Variants in GDF1 observed in about 807,000 individuals in gnomAD.
GDF1 encodes growth differentiation factor 1.
Under a neutral mutation model 7.4 loss-of-function variants are expected in GDF1, and 8 were observed. That is an observed-to-expected ratio of 1.09 (90% CI 0.64 to 1.96). The LOEUF is 1.96. Among genes scored for constraint, GDF1 ranks in the 30% most tolerant of loss-of-function variants. GDF1 has a pLI of 0.00. For missense variants in GDF1, 574 were observed against 551.5 expected (o/e 1.04, Z -0.41); for synonymous variants, 311 against 276.7 (o/e 1.12, Z -1.23).
At chr19:18,885,964 G>A (rs944373441) in intron 2 of GDF1, among the ~76,000 whole-genome samples, 10 of 152,086 alleles carry the variant, frequency 6.6e-5, no homozygotes, top group African/African-American at 1.4e-4. Context: ...CCCGCCAAGC[G>A]GGTCCTGCCT....
Position 18,878,053 on chromosome 19 carries a change from A to G in GDF1, c.-313+877T>C, listed in dbSNP as rs1422830799. The G allele has an allele frequency of 4.1e-6, 4 of 984,876 alleles. No homozygotes were observed. The highest frequency in any genetic ancestry group is 6.2e-5 in the Admixed American group (1 of 16,204). The allele number at this position is 984,876 out of a possible 1,614,324, so 61.0% of individuals were successfully genotyped here. On this transcript the variant is annotated intron_variant, in intron 6 of 7. Transcript: ENST00000247005. The surrounding 1 kb of genome is among the most constrained non-coding windows in gnomAD (Gnocchi z 4.6). ...GATGTGTTAAATGTCTGCATCTCGC[A>G]CCTCCCGTTCCAAAAAACGTCACGG... is the stretch of plus-strand genomic sequence containing the variant.
Position 18,868,614 on chromosome 19 carries a change from C to G in GDF1, c.1102G>C (p.Glu368Gln). 1 of 1,564,268 alleles carries G rather than the reference C, an allele frequency of 6.4e-7. No homozygotes were observed. The highest frequency in any genetic ancestry group is 8.7e-7 in the Non-Finnish European group (1 of 1,154,530). ...LRQYEDMVVD[E>Q]CGCR ...GCCCCGGGTTAGCGGCAGCCGCACTCGTCCACCACCATGTCCTCATACTGC... is the reference window on the plus strand; with the variant it reads ...GCCCCGGGTTAGCGGCAGCCGCACTGGTCCACCACCATGTCCTCATACTGC... The change falls in exon 8 of 8, where the codon GAG (glutamate) becomes CAG (glutamine). Residue 368 changes from glutamate to glutamine, a missense_variant. Coordinates refer to ENST00000247005, the MANE Select transcript of GDF1 (RefSeq NM_001492.6).
Position 18,870,434 on chromosome 19 carries a change from A to T in GDF1, c.-127T>A. On this transcript the variant is annotated 5_prime_UTR_variant, in exon 7 of 8. Coordinates refer to ENST00000247005, the MANE Select transcript of GDF1 (RefSeq NM_001492.6). The surrounding 1 kb of genome is among the most constrained non-coding windows in gnomAD (Gnocchi z 5.1). ...GGGGGCGTGGCCGGGAACTGGAGGC[A>T]GGATGAGGGGGCGGGGTCCCAGGGG... is the stretch of plus-strand genomic sequence containing the variant. The T allele has an allele frequency of 6.4e-6, 5 of 784,572 alleles. No individual in the cohort carries two copies. Among genetic ancestry groups the T allele is most frequent in the Non-Finnish European group, 5.8e-6 (3 of 520,442 alleles). The allele number at this position is 784,572 out of a possible 1,614,324, so 48.6% of individuals were successfully genotyped here.
In GDF1 at chr19:18,870,624, G is replaced by T; in HGVS notation, c.-312-5C>A. Reference sequence around the variant, plus strand: ...AGGCCGTTCCTCAGTGGCTTCCTGGGGGTCAGAACCGGCGCAGGTTAGCCT... The same window carrying T: ...AGGCCGTTCCTCAGTGGCTTCCTGGTGGTCAGAACCGGCGCAGGTTAGCCT... On this transcript the variant is annotated splice_region_variant and splice_polypyrimidine_tract_variant and intron_variant, in intron 6 of 7. Transcript: ENST00000247005. The surrounding 1 kb of genome is among the most constrained non-coding windows in gnomAD (Gnocchi z 5.1). 1.7e-6 allele frequency: 1 copy of T among 572,882 alleles called. No homozygotes were observed. The highest frequency in any genetic ancestry group is 3.1e-5 in the East Asian group (1 of 32,530). 35.5% of individuals were successfully genotyped at this position (572,882 alleles called of 1,614,324 possible). A position where few individuals can be genotyped will look rare whatever the true frequency, so the allele number is the denominator to read the frequency against.
At chr19:18,876,107 C>A (rs1231035113) in intron 6 of GDF1, among the ~76,000 whole-genome samples, 2 of 152,214 alleles carry the variant, frequency 1.3e-5, no homozygotes, top group African/African-American at 2.4e-5. Context: ...GCCTCAGCCT[C>A]CTGAGTAGCT....
At chr19:18,892,278 T>C (rs754660400) in intron 2 of GDF1, among the ~76,000 whole-genome samples, 8 of 152,010 alleles carry the variant, frequency 5.3e-5, no homozygotes, top group Non-Finnish European at 1.0e-4. Flanking sequence ...AGGAAGCATT[T>C]TGTCATCCAC....
At chr19:18,869,419 CGCGCT>C in intron 7 of GDF1, 29 bp from the exon 8 acceptor site, 1 of 1,524,174 alleles carries the variant, frequency 6.6e-7, no homozygotes, top group Non-Finnish European at 8.8e-7. Flanking sequence ...GAACTCGGCT[CGCGCT>C]GCGTCCCCGG....
intron 2 of GDF1, among the ~76,000 whole-genome samples, chr19:18,886,876 C>G (rs936606801): frequency 1.3e-5 from 2 of 152,254 alleles, no homozygotes; most frequent in Non-Finnish European, 2.9e-5. Context: ...ACCCCCACCC[C>G]AGTCCAGGCA....
In GDF1 at chr19:18,878,760, C is replaced by T. The variant is rs1203459714; in HGVS notation, c.-313+170G>A. ...CCTCACTGTCCTGTCCTTCAGGGTA[C>T]TGGCCACATCGTCCACGCCTTTATT... On this transcript the variant is annotated intron_variant, in intron 6 of 7. Transcript: ENST00000247005. The surrounding 1 kb of genome is among the most constrained non-coding windows in gnomAD (Gnocchi z 4.6). 4.9e-6 allele frequency: 7 copies of T among 1,436,446 alleles called. No individual in the cohort carries two copies. The East Asian group carries it at 1.5e-4, about 32-fold the overall frequency. 89.0% of individuals were successfully genotyped at this position (1,436,446 alleles called of 1,614,324 possible). A position where few individuals can be genotyped will look rare whatever the true frequency, so the allele number is the denominator to read the frequency against.
intron 5 of GDF1, 47 bp from the exon 6 acceptor site, chr19:18,879,086 C>T (rs755797670): frequency 1.2e-6 from 2 of 1,602,350 alleles, no homozygotes; most frequent in East Asian, 4.5e-5. Flanking sequence ...GCCCCCACGC[C>T]ACTGCCCTGC....
chr19:18,880,165 C>T, intron 4 of GDF1, 109 bp downstream of exon 4: 4 of 1,156,508 alleles, frequency 3.5e-6, no homozygotes, highest in East Asian at 2.6e-5. Flanking sequence ...GCCACACACC[C>T]ACCTCACCGG....
At chr19:18,888,540 A>C (rs910751895) in intron 2 of GDF1, among the ~76,000 whole-genome samples, 5 of 149,948 alleles carry the variant, frequency 3.3e-5, no homozygotes, top group East Asian at 2.0e-4. Context: ...AAAAAAAAAA[A>C]AAAAAACAGG....
chr19:18,884,190 T>A lies in GDF1; in HGVS notation c.-836A>T. ...GTGTCCATGTATAGCGTAGCGTAGA[T>A]GGAGTGGCCATAGAAGCTTCCCTGG... On this transcript the variant is annotated 5_prime_UTR_variant, in exon 3 of 8. Coordinates refer to ENST00000247005, the MANE Select transcript of GDF1 (RefSeq NM_001492.6). 3.7e-6 allele frequency: 6 copies of A among 1,613,242 alleles called. No homozygotes were observed. Among genetic ancestry groups the A allele is most frequent in the Non-Finnish European group, 5.1e-6 (6 of 1,179,784 alleles).
In GDF1 at chr19:18,880,276, G is replaced by A. The variant is rs2146018260; in HGVS notation, c.-573C>T. ...GCCCAGCACTCCCTACCACTCACCAGCTGAAGCCGAAGCTGAGGCAGCCCA... is the reference window on the plus strand; with the variant it reads ...GCCCAGCACTCCCTACCACTCACCAACTGAAGCCGAAGCTGAGGCAGCCCA... On this transcript the variant is annotated splice_region_variant and 5_prime_UTR_variant, in exon 4 of 8. Transcript: ENST00000247005. The A allele has an allele frequency of 6.5e-7, 1 of 1,549,046 alleles. No individual in the cohort carries two copies. Among genetic ancestry groups the A allele is most frequent in the Middle Eastern group, 2.1e-4 (1 of 4,844 alleles).
intron 3 of GDF1, among the ~76,000 whole-genome samples, chr19:18,882,475 A>T (rs1429433765): frequency 6.6e-6 from 1 of 151,474 alleles, no homozygotes; most frequent in Non-Finnish European, 1.5e-5. Context: ...TCTACTAAAA[A>T]TATAATAATT....
At chr19:18,879,469 C>G in intron 4 of GDF1, 81 bp from the exon 5 acceptor site, 1 of 1,484,048 alleles carries the variant, frequency 6.7e-7, no homozygotes, top group South Asian at 1.3e-5. Context: ...GTCCTAGACC[C>G]ACCCTTGCCC....
In GDF1 at chr19:18,868,773, G is replaced by C. The variant is rs1601142475; in HGVS notation, c.943C>G (p.Leu315Val). The change falls in exon 8 of 8, where the codon CTC becomes GTC. Residue 315 changes from leucine (L) to valine (V), a missense_variant. Physicochemically the swap from Leu to Val is conservative, Grantham distance 32 (BLOSUM62 1). Coordinates refer to ENST00000247005, the MANE Select transcript of GDF1 (RefSeq NM_001492.6). ...AGCGCGCGCAGCACAGCGTGGTTGA[G>C]CGCCGGCGGCCCCCCGGACCCCGAC... The part of the protein sequence containing the change: ...ALSGSGGPPA[L>V]NHAVLRALMH... 1.1e-5 allele frequency: 16 copies of C among 1,472,000 alleles called. No individual in the cohort carries two copies. The highest frequency in any genetic ancestry group is 1.4e-5 in the Non-Finnish European group (16 of 1,103,938). The allele number at this position is 1,472,000 out of a possible 1,614,324, so 91.2% of individuals were successfully genotyped here. A position where few individuals can be genotyped will look rare whatever the true frequency, so the allele number is the denominator to read the frequency against.
At chr19:18,889,078 G>C (rs181918453) in intron 2 of GDF1, among the ~76,000 whole-genome samples, 12 of 151,778 alleles carry the variant, frequency 7.9e-5, no homozygotes, top group Non-Finnish European at 1.5e-4. Context: ...TTTTAGTAGA[G>C]ACAGGGTTTC....
rs1373188469 is a variant in GDF1, at chr19:18,884,205, A to C, written c.-851T>G. 6.2e-7 allele frequency: 1 copy of C among 1,613,474 alleles called. No individual in the cohort carries two copies. The highest frequency in any genetic ancestry group is 1.1e-5 in the South Asian group (1 of 91,050). The stretch of plus-strand genomic sequence containing the variant: ...GTAGCGTAGATGGAGTGGCCATAGA[A>C]GCTTCCCTGGAGCAGGTAGGCGGCT... On this transcript the variant is annotated 5_prime_UTR_variant, in exon 3 of 8. Transcript: ENST00000247005.
Sources: allele counts gnomAD v4.1 joint callset (sites outside exome capture counted in the v4.1 genomes callset), GRCh38; gene constraint gnomAD v4.1.1; non-coding constraint Gnocchi (gnomAD v3.1); transcripts MANE v1.5; gene names NCBI Gene and HGNC (gene_info 2026-07-23, HGNC 2026-07-21).